The following SOX5 variants were observed in gnomAD, a reference collection of about 807,000 sequenced individuals.
SOX5 encodes transcription factor SOX-5.
A neutral mutation model predicts 92.0 loss-of-function variants in SOX5; 9 were observed. That is an observed-to-expected ratio of 0.10 (90% confidence interval 0.06 to 0.17). SOX5 has a LOEUF of 0.17. Among genes scored for constraint, SOX5 ranks in the 10% least tolerant of loss-of-function variants. The pLI is 1.00. For synonymous variants in SOX5, 344 were observed against 336.3 expected (o/e 1.02, Z -0.25); for missense variants, 642 against 944.5 (o/e 0.68, Z 4.20).
chr12:23,970,631 T>C (rs1948114625), intron 4 of SOX5, among the ~76,000 whole-genome samples: 1 of 151,290 alleles, frequency 6.6e-6, no homozygotes, highest in South Asian at 2.1e-4. Flanking sequence ...TTGTTTTTTA[T>C]GGCTGAATGA....
At chr12:23,775,981 T>C (rs1186904125) in intron 3 of SOX5, among the ~76,000 whole-genome samples, 1 of 152,130 alleles carries the variant, frequency 6.6e-6, no homozygotes, top group Non-Finnish European at 1.5e-5. Context: ...GAACGATGGT[T>C]TCGAGACGAA....
intron 8 of SOX5, among the ~76,000 whole-genome samples, chr12:23,612,067 C>T (rs1408752790): frequency 1.3e-5 from 2 of 151,904 alleles, no homozygotes; most frequent in African/African-American, 4.8e-5. Context: ...AGCATGCATA[C>T]CATTTAATAC....
At chr12:24,181,204 G>A (rs967786557) in intron 4 of SOX5, among the ~76,000 whole-genome samples, 14 of 152,110 alleles carry the variant, frequency 9.2e-5, no homozygotes, top group East Asian at 3.9e-4. Context: ...AATATTCACC[G>A]TAAACACTGA....
At chr12:24,355,612 A>G (rs1388606835) in intron 2 of SOX5, among the ~76,000 whole-genome samples, 1 of 152,096 alleles carries the variant, frequency 6.6e-6, no homozygotes, top group East Asian at 1.9e-4. Flanking sequence ...TCATTTTATA[A>G]GATTATTACA....
At chr12:23,589,913 C>T (rs1347755140) in intron 9 of SOX5, among the ~76,000 whole-genome samples, 4 of 151,940 alleles carry the variant, frequency 2.6e-5, no homozygotes, top group Non-Finnish European at 4.4e-5. Flanking sequence ...AATCCCTACC[C>T]TCATGGGACT....
intron 6 of SOX5, among the ~76,000 whole-genome samples, chr12:23,672,546 A>T (rs1239928787): frequency 2.0e-5 from 3 of 152,186 alleles, no homozygotes; most frequent in Non-Finnish European, 1.5e-5. Flanking sequence ...GTTTGCAAGG[A>T]TAGAGAAATA....
intron 4 of SOX5, among the ~76,000 whole-genome samples, chr12:24,100,782 G>C (rs182922538): frequency 6.6e-6 from 1 of 152,062 alleles, no homozygotes; most frequent in Non-Finnish European, 1.5e-5. Flanking sequence ...CTCAAATCTG[G>C]ACTTCTCAAG....
chr12:24,280,890 C>G (rs115414128), intron 2 of SOX5, among the ~76,000 whole-genome samples: 1,873 of 149,952 alleles, frequency 0.012, 37 homozygotes, highest in African/African-American at 0.044. Context: ...ATATCTTCTT[C>G]TACATTTAGT....
chr12:23,773,652 G>A lies in SOX5; in HGVS notation c.482-17928C>T, dbSNP rs528905301. On this transcript the variant is annotated intron_variant, in intron 3 of 14. Coordinates refer to ENST00000451604, the MANE Select transcript of SOX5 (RefSeq NM_006940.6). ...CTCCCACAGTACTGGGATTACAGGCGTGAGCCACTGTGCCTGGCCTACCAG... is the reference window on the plus strand; with the variant it reads ...CTCCCACAGTACTGGGATTACAGGCATGAGCCACTGTGCCTGGCCTACCAG... Among the ~76,000 whole-genome samples the A allele has an allele frequency of 1.2e-4, 18 of 152,206 alleles. No individual in the cohort carries two copies. The South Asian group carries it at 2.3e-3, about 19-fold the overall frequency.
intron 1 of SOX5, among the ~76,000 whole-genome samples, chr12:24,537,227 T>C (rs537512262): frequency 1.2e-4 from 19 of 152,344 alleles, no homozygotes; most frequent in African/African-American, 4.6e-4. Flanking sequence ...AGAATTATTC[T>C]GCAACTGGTA....
intron 2 of SOX5, among the ~76,000 whole-genome samples, chr12:24,334,527 T>C (rs1412732963): frequency 6.6e-6 from 1 of 152,168 alleles, no homozygotes; most frequent in Non-Finnish European, 1.5e-5. Context: ...TTGCCAAATG[T>C]TAAAATGCTC....
intron 7 of SOX5, among the ~76,000 whole-genome samples, chr12:23,660,648 T>C (rs1242027714): frequency 1.3e-5 from 2 of 152,082 alleles, no homozygotes; most frequent in Non-Finnish European, 2.9e-5. Context: ...AATTTTGTTA[T>C]AATATTCTGT....
chr12:23,855,921 A>G (rs2096683232), intron 2 of SOX5, among the ~76,000 whole-genome samples: 1 of 152,166 alleles, frequency 6.6e-6, no homozygotes, highest in South Asian at 2.1e-4. Context: ...CTATTTTTCT[A>G]TACTAATTAA....
chr12:24,114,291 T>C (rs1226505399), intron 4 of SOX5, among the ~76,000 whole-genome samples: 4 of 151,912 alleles, frequency 2.6e-5, no homozygotes, highest in Non-Finnish European at 5.9e-5. Context: ...TTCAAAGACA[T>C]AAAAGACGAG....
At position 23,577,191 on chromosome 12, in the gene SOX5, A is replaced by ATATTTTTTT. The variant is rs71059907; in HGVS notation, c.1165-1354_1165-1353insAAAAAAATA. 6.8e-4 allele frequency among the ~76,000 whole-genome samples: 42 copies of ATATTTTTTT among 61,398 alleles called. 2 individuals are homozygous for ATATTTTTTT. Among genetic ancestry groups the ATATTTTTTT allele is most frequent in the Non-Finnish European group, 9.9e-4 (31 of 31,240 alleles). 40.3% of individuals were successfully genotyped at this position (61,398 alleles called of 152,430 possible). ...CACACACACACATATATATATATAT[A>ATATTTTTTT]TTTTTTTTTTTTTTTTTTTTTGAGA... On this transcript the variant is annotated intron_variant, in intron 9 of 14. Transcript: ENST00000451604.
chr12:24,494,468 G>A (rs999716982), intron 1 of SOX5, among the ~76,000 whole-genome samples: 1 of 152,182 alleles, frequency 6.6e-6, no homozygotes, highest in African/African-American at 2.4e-5. Flanking sequence ...GAAACAGATA[G>A]CATAGTTTAT....
intron 11 of SOX5, among the ~76,000 whole-genome samples, chr12:23,558,710 C>T (rs1333433481): frequency 6.6e-6 from 1 of 152,226 alleles, no homozygotes; most frequent in Non-Finnish European, 1.5e-5. Flanking sequence ...TCAAGTGATT[C>T]TCCTGCCTCA....
At chr12:23,864,031 C>A (rs1034786275) in intron 2 of SOX5, among the ~76,000 whole-genome samples, 1 of 151,208 alleles carries the variant, frequency 6.6e-6, no homozygotes, top group African/African-American at 2.4e-5. Context: ...GTGCATTAAG[C>A]AAGTTTATTG....
chr12:23,947,365 T>A (rs1176566372), intron 1 of SOX5, among the ~76,000 whole-genome samples: 1 of 151,900 alleles, frequency 6.6e-6, no homozygotes, highest in Non-Finnish European at 1.5e-5. Flanking sequence ...AAAAATCTAA[T>A]TATATGTGAT....
Sources: gnomAD v4.1 joint callset for allele counts (sites outside exome capture counted in the v4.1 genomes callset) on GRCh38, gnomAD v4.1.1 for gene constraint, MANE v1.5 for transcripts, NCBI Gene and HGNC (gene_info 2026-07-23, HGNC 2026-07-21) for gene names.